CDH9: variants seen among roughly 807,000 people sequenced by gnomAD.
CDH9 encodes cadherin-9.
Under a neutral mutation model 70.9 loss-of-function variants are expected in CDH9, and 28 were observed. The ratio of observed to expected loss-of-function variants is 0.40; its 90% CI spans 0.29 to 0.54. The LOEUF is 0.54. CDH9 is among the 20% of genes least tolerant of loss of function. The probability of loss-of-function intolerance (pLI) is 0.59; values close to 1 mark genes in which losing one functional copy is unlikely to be tolerated. For synonymous variants in CDH9, 409 were observed against 343.1 expected, an observed-to-expected ratio of 1.19 and a Z score of -2.12; for missense variants, 874 against 984.4, an observed-to-expected ratio of 0.89 and a Z score of 1.50.
intron 2 of CDH9, among the ~76,000 whole-genome samples, chr5:26,978,953 AG>A (rs1415064764): frequency 2.0e-5 from 3 of 151,836 alleles, no homozygotes; most frequent in Non-Finnish European, 4.4e-5. Context: ...ATTAACGAAA[AG>A]CTAAGAAAAC....
intron 1 of CDH9, among the ~76,000 whole-genome samples, chr5:27,001,650 G>A (rs1435444145): frequency 1.3e-5 from 2 of 152,128 alleles, no homozygotes; most frequent in East Asian, 3.9e-4. Flanking sequence ...AGCTGAGATA[G>A]CCTAAAAGCA....
intron 6 of CDH9, 51 bp from the exon 7 acceptor site, chr5:26,902,780 A>G: frequency 9.2e-7 from 1 of 1,086,850 alleles, no homozygotes; most frequent in Non-Finnish European, 1.3e-6. Context: ...AGATATGACA[A>G]TGAAAGACGA....
At chr5:27,018,736 G>T (rs1442562925) in intron 1 of CDH9, among the ~76,000 whole-genome samples, 1 of 151,646 alleles carries the variant, frequency 6.6e-6, no homozygotes, top group Non-Finnish European at 1.5e-5. Context: ...GAGTATTTTG[G>T]AGTCCCAAAT....
intron 2 of CDH9, among the ~76,000 whole-genome samples, chr5:26,949,834 A>C (rs1457210719): frequency 6.6e-6 from 1 of 152,190 alleles, no homozygotes. Flanking sequence ...AGAGAAAACA[A>C]AACTCTATTT....
At position 27,013,337 on chromosome 5, in the gene CDH9, G is replaced by T. The variant is rs77757487; in HGVS notation, c.-49-24955C>A. The stretch of plus-strand genomic sequence containing the variant: ...AGTCAGTGAAATCCAACTGCTTGAG[G>T]TCTGGTGCTGCCTGATCCATGAATT... On this transcript the variant is annotated intron_variant, in intron 1 of 11. Transcript: ENST00000231021. Among the ~76,000 whole-genome samples, 269 of 151,980 alleles carry T rather than the reference G, an allele frequency of 1.8e-3. 9 individuals are homozygous for T. In the East Asian group the frequency reaches 0.049, roughly 28 times the overall value.
chr5:26,966,074 A>G (rs1447990185), intron 2 of CDH9, among the ~76,000 whole-genome samples: 1 of 152,072 alleles, frequency 6.6e-6, no homozygotes, highest in Non-Finnish European at 1.5e-5. Flanking sequence ...CCCCAGCTTC[A>G]CTGTTGTGCT....
At chr5:26,933,093 T>C (rs1202654711) in intron 2 of CDH9, among the ~76,000 whole-genome samples, 1 of 147,402 alleles carries the variant, frequency 6.8e-6, no homozygotes, top group Non-Finnish European at 1.5e-5. Flanking sequence ...TATAATTCTA[T>C]TTATATTATA....
At chr5:27,004,004 G>T (rs1252452812) in intron 1 of CDH9, among the ~76,000 whole-genome samples, 7 of 149,974 alleles carry the variant, frequency 4.7e-5, no homozygotes, top group Non-Finnish European at 8.9e-5. Context: ...ATCTAAAATT[G>T]TTCTAAAAAA....
At chr5:26,892,733 T>G (rs1383377838) in intron 7 of CDH9, among the ~76,000 whole-genome samples, 1 of 152,016 alleles carries the variant, frequency 6.6e-6, no homozygotes, top group African/African-American at 2.4e-5. Context: ...TGTTGTTGTT[T>G]TTCTTTTCTT....
At chr5:26,981,359 C>A (rs1210887899) in intron 2 of CDH9, among the ~76,000 whole-genome samples, 1 of 152,158 alleles carries the variant, frequency 6.6e-6, no homozygotes, top group Non-Finnish European at 1.5e-5. Context: ...ACTTGTAATA[C>A]CTAATACCCT....
intron 2 of CDH9, among the ~76,000 whole-genome samples, chr5:26,972,375 T>G (rs1426153213): frequency 6.6e-6 from 1 of 152,160 alleles, no homozygotes; most frequent in Non-Finnish European, 1.5e-5. Flanking sequence ...ATAAGCTCAA[T>G]GCATCTGTTT....
At position 26,997,909 on chromosome 5, in the gene CDH9, C is replaced by T. The variant is rs180959235; in HGVS notation, c.-49-9527G>A. ...GAGAAGGTGTTTCACCATGTTAGCC[C>T]GGATGGTCTCGATCTCTTGACCTCA... On this transcript the variant is annotated intron_variant, in intron 1 of 11. Transcript: ENST00000231021. Among the ~76,000 whole-genome samples, 101 of 152,014 alleles carry T rather than the reference C, an allele frequency of 6.6e-4. 3 individuals carry two copies. In the East Asian group the frequency reaches 0.013, roughly 19 times the overall value.
chr5:26,898,449 C>T (rs1363125189), intron 7 of CDH9, among the ~76,000 whole-genome samples: 2 of 152,152 alleles, frequency 1.3e-5, no homozygotes, highest in Non-Finnish European at 2.9e-5. Context: ...GTAACCAAAA[C>T]AGCATGTTAC....
At chr5:26,987,289 C>T (rs1374084530) in intron 2 of CDH9, among the ~76,000 whole-genome samples, 2 of 151,538 alleles carry the variant, frequency 1.3e-5, no homozygotes, top group Non-Finnish European at 2.9e-5. Flanking sequence ...TTTTAACATT[C>T]CTCAGTATTG....
intron 2 of CDH9, among the ~76,000 whole-genome samples, chr5:26,917,497 C>T (rs1016240523): frequency 5.3e-5 from 8 of 152,198 alleles, no homozygotes; most frequent in African/African-American, 1.9e-4. Context: ...TTCCCATTTA[C>T]ATCCTGCCCT....
chr5:26,955,520 C>T (rs1336541157), intron 2 of CDH9, among the ~76,000 whole-genome samples: 1 of 151,982 alleles, frequency 6.6e-6, no homozygotes, highest in Non-Finnish European at 1.5e-5. Context: ...CCAGCAAGGG[C>T]AGGTCCAGTA....
chr5:26,962,431 C>T (rs1270690434), intron 2 of CDH9, among the ~76,000 whole-genome samples: 1 of 152,154 alleles, frequency 6.6e-6, no homozygotes, highest in East Asian at 1.9e-4. Flanking sequence ...AATTTACACT[C>T]GCGCCAACAG....
At chr5:26,955,364 G>T (rs1231246405) in intron 2 of CDH9, among the ~76,000 whole-genome samples, 2 of 152,094 alleles carry the variant, frequency 1.3e-5, no homozygotes, top group African/African-American at 2.4e-5. Flanking sequence ...CAATCCTCCT[G>T]GTCTGACAAG....
At chr5:26,960,830 G>C (rs892668441) in intron 2 of CDH9, among the ~76,000 whole-genome samples, 1 of 151,646 alleles carries the variant, frequency 6.6e-6, no homozygotes, top group Non-Finnish European at 1.5e-5. Context: ...GGGCATCCTC[G>C]GGATTTTATT....
Sources: gnomAD v4.1 joint callset for allele counts (sites outside exome capture counted in the v4.1 genomes callset) on GRCh38, gnomAD v4.1.1 for gene constraint, MANE v1.5 for transcripts, NCBI Gene and HGNC (gene_info 2026-07-23, HGNC 2026-07-21) for gene names.